Variants in LRBA observed in about 807,000 individuals in gnomAD.
LRBA encodes lipopolysaccharide-responsive and beige-like anchor protein.
LRBA carries 176 observed loss-of-function variants against 330.0 expected under a neutral mutation model. The ratio of observed to expected loss-of-function variants is 0.53; its 90% CI spans 0.47 to 0.60. LRBA has a LOEUF of 0.60. Ranked by LOEUF, LRBA falls within the 20% of genes least tolerant of loss-of-function variation. The pLI, the probability that LRBA is intolerant of heterozygous loss-of-function variation, is 0.00. For synonymous variants in LRBA, 1,230 were observed against 1,193.0 expected, an observed-to-expected ratio of 1.03 and a Z score of -0.64; for missense variants, 3,259 against 3,444.8, an observed-to-expected ratio of 0.95 and a Z score of 1.35.
chr4:150,464,599 T>C (rs1324929220), intron 44 of LRBA, among the ~76,000 whole-genome samples: 2 of 152,038 alleles, frequency 1.3e-5, no homozygotes, highest in East Asian at 3.9e-4. Flanking sequence ...TCATGGTCAA[T>C]GGGTCAATTG....
chr4:150,820,643 C>T (rs989798470), intron 30 of LRBA, among the ~76,000 whole-genome samples: 3 of 151,992 alleles, frequency 2.0e-5, no homozygotes, highest in Non-Finnish European at 4.4e-5. Context: ...CATAACATTG[C>T]TTCAGCTTAA....
intron 42 of LRBA, among the ~76,000 whole-genome samples, chr4:150,473,306 C>A (rs544170405): frequency 6.6e-6 from 1 of 152,292 alleles, no homozygotes; most frequent in East Asian, 1.9e-4. Context: ...CATTTTATCA[C>A]TGAGTTGTTA....
chr4:150,821,337 C>T (rs1745408105), intron 30 of LRBA, among the ~76,000 whole-genome samples: 1 of 151,922 alleles, frequency 6.6e-6, no homozygotes, highest in South Asian at 2.1e-4. Flanking sequence ...TTGTGGGGCA[C>T]CGTGCTTAAG....
chr4:150,655,667 C>T (rs1286837799), intron 37 of LRBA, among the ~76,000 whole-genome samples: 2 of 152,150 alleles, frequency 1.3e-5, no homozygotes, highest in Non-Finnish European at 2.9e-5. Flanking sequence ...TACAAATGGC[C>T]AGTGCTGTTT....
chr4:150,954,356 T>C (rs1227723844), intron 2 of LRBA, among the ~76,000 whole-genome samples: 1 of 152,140 alleles, frequency 6.6e-6, no homozygotes, highest in Non-Finnish European at 1.5e-5. Flanking sequence ...GAAAGAGGGA[T>C]CAGATTGTTA....
At chr4:150,574,906 G>A (rs1292918016) in intron 40 of LRBA, among the ~76,000 whole-genome samples, 1 of 152,010 alleles carries the variant, frequency 6.6e-6, no homozygotes, top group African/African-American at 2.4e-5. Context: ...GGTATGGATA[G>A]TGTCTGATCC....
chr4:150,689,014 G>A (rs1783871206), intron 36 of LRBA, among the ~76,000 whole-genome samples: 1 of 152,184 alleles, frequency 6.6e-6, no homozygotes, highest in Admixed American at 6.5e-5. Flanking sequence ...ACACAGGTAT[G>A]TTTACTGCGG....
chr4:150,627,672 T>G lies in LRBA; in HGVS notation c.5922-28541A>C, dbSNP rs570025802. Among the ~76,000 whole-genome samples the G allele has an allele frequency of 9.9e-5, 15 of 152,176 alleles. No homozygotes were observed. The East Asian group carries it at 2.7e-3, about 27-fold the overall frequency. On this transcript the variant is annotated intron_variant, in intron 37 of 56. Coordinates refer to ENST00000651943, the MANE Select transcript of LRBA (RefSeq NM_001364905.1). ...ACAAATTATGCAAGGTTGGAATTAG[T>G]CTTGATGCAAAATGATATTACCAAT...
intron 35 of LRBA, among the ~76,000 whole-genome samples, chr4:150,757,528 C>A (rs1203992718): frequency 2.6e-5 from 4 of 151,960 alleles, no homozygotes; most frequent in Non-Finnish European, 1.5e-5. Flanking sequence ...GTCAGACTTA[C>A]ATAATAAGAA....
At chr4:150,742,001 T>C (rs1560756414) in intron 35 of LRBA, among the ~76,000 whole-genome samples, 1 of 152,032 alleles carries the variant, frequency 6.6e-6, no homozygotes. Context: ...CATTTACTTA[T>C]AAACATATCA....
chr4:150,455,680 T>A (rs1231693256), intron 44 of LRBA, among the ~76,000 whole-genome samples: 1 of 152,184 alleles, frequency 6.6e-6, no homozygotes, highest in Non-Finnish European at 1.5e-5. Flanking sequence ...ATTATATTTT[T>A]AATTATTTTT....
At chr4:150,913,339 T>G (rs1452336732) in intron 9 of LRBA, among the ~76,000 whole-genome samples, 1 of 152,176 alleles carries the variant, frequency 6.6e-6, no homozygotes, top group East Asian at 1.9e-4. Flanking sequence ...CAGTGCCACA[T>G]GCCTGTAATC....
chr4:150,803,175 GCTGGGTATTAGACGACAT>G (rs1299077713), intron 33 of LRBA, among the ~76,000 whole-genome samples: 1 of 150,272 alleles, frequency 6.7e-6, no homozygotes, highest in East Asian at 1.9e-4. Flanking sequence ...ATAAATATGG[GCTGGGTATTAGACGACAT>G]TAAGAAACTA....
chr4:150,812,645 T>C (rs1286292519), intron 31 of LRBA, among the ~76,000 whole-genome samples: 1 of 152,156 alleles, frequency 6.6e-6, no homozygotes, highest in Non-Finnish European at 1.5e-5. Context: ...AAAGCAAAGA[T>C]GGTTATGACT....
Position 150,835,135 on chromosome 4 carries a change from G to C in LRBA, c.4570-3159C>G, listed in dbSNP as rs1398665717. On this transcript the variant is annotated intron_variant, in intron 28 of 56. Transcript: ENST00000651943. Reference sequence around the variant, plus strand: ...GTTGTAGATGTGTGGTGTTATTTCTGAGGCCTCTGTTCTGTTCCGTTGGTC... The same window carrying C: ...GTTGTAGATGTGTGGTGTTATTTCTCAGGCCTCTGTTCTGTTCCGTTGGTC... Among the ~76,000 whole-genome samples, 6 of 152,124 alleles carry C rather than the reference G, an allele frequency of 3.9e-5. No individual in the cohort carries two copies. In the East Asian group the frequency reaches 1.2e-3, roughly 29 times the overall value.
intron 23 of LRBA, among the ~76,000 whole-genome samples, chr4:150,851,661 G>A (rs1750635809): frequency 6.6e-6 from 1 of 152,162 alleles, no homozygotes; most frequent in South Asian, 2.1e-4. Context: ...AACTTCTGGT[G>A]ATACTATGGT....
intron 36 of LRBA, among the ~76,000 whole-genome samples, chr4:150,706,361 T>TA (rs1429199989): frequency 6.6e-6 from 1 of 151,784 alleles, no homozygotes; most frequent in Admixed American, 6.6e-5. Flanking sequence ...AATGAAAACT[T>TA]AGACTACCGG....
At chr4:150,937,518 ATTT>A (rs894737985) in intron 2 of LRBA, among the ~76,000 whole-genome samples, 3 of 152,018 alleles carry the variant, frequency 2.0e-5, no homozygotes, top group African/African-American at 7.2e-5. Flanking sequence ...TTATGGTTGT[ATTT>A]TTTTGAATAA....
chr4:150,406,413 T>A (rs1215792444), intron 47 of LRBA, among the ~76,000 whole-genome samples: 1 of 152,178 alleles, frequency 6.6e-6, no homozygotes, highest in African/African-American at 2.4e-5. Flanking sequence ...TCAGTCTAGA[T>A]AAGTAACATG....
Sources: gnomAD v4.1 joint callset for allele counts (sites outside exome capture counted in the v4.1 genomes callset) on GRCh38, gnomAD v4.1.1 for gene constraint, MANE v1.5 for transcripts, NCBI Gene and HGNC (gene_info 2026-07-23, HGNC 2026-07-21) for gene names.